GABBR2: variants seen among roughly 807,000 people sequenced by gnomAD.
The protein encoded by GABBR2 is gamma-aminobutyric acid type B receptor subunit 2, also known as G-protein coupled receptor 51.
A neutral mutation model predicts 105.6 loss-of-function variants in GABBR2; 23 were observed. That is an observed-to-expected ratio of 0.22 (90% CI 0.16 to 0.31). The LOEUF (loss-of-function observed/expected upper bound fraction) is 0.31, where lower values mean the gene tolerates loss of function less well. Ranked by LOEUF, GABBR2 falls within the 10% of genes least tolerant of loss-of-function variation. The pLI is 1.00. For synonymous variants in GABBR2, 478 were observed against 499.7 expected (o/e 0.96, Z 0.58); for missense variants, 734 against 1,245.5 (o/e 0.59, Z 6.18).
chr9:98,563,428 C>T (rs925494059), intron 2 of GABBR2, among the ~76,000 whole-genome samples: 3 of 152,166 alleles, frequency 2.0e-5, no homozygotes, highest in African/African-American at 4.8e-5. Context: ...ACGCATCCAC[C>T]GGAGGCACGC....
chr9:98,559,507 G>C (rs941008122), intron 2 of GABBR2, among the ~76,000 whole-genome samples: 1 of 152,178 alleles, frequency 6.6e-6, no homozygotes, highest in African/African-American at 2.4e-5. Context: ...CACCAGAAAG[G>C]TTTTAAATCA....
At chr9:98,655,888 C>G (rs999952343) in intron 1 of GABBR2, among the ~76,000 whole-genome samples, 1 of 152,058 alleles carries the variant, frequency 6.6e-6, no homozygotes, top group Non-Finnish European at 1.5e-5. Flanking sequence ...TAATGTAGAT[C>G]ACGGGTTGAT....
chr9:98,438,394 G>A (rs1482952802), intron 7 of GABBR2, among the ~76,000 whole-genome samples: 3 of 151,968 alleles, frequency 2.0e-5, no homozygotes, highest in Non-Finnish European at 4.4e-5. Context: ...TCTATTATGT[G>A]TAAAACCCTG....
At chr9:98,657,713 T>G (rs986093143) in intron 1 of GABBR2, among the ~76,000 whole-genome samples, 2 of 152,272 alleles carry the variant, frequency 1.3e-5, no homozygotes, top group Non-Finnish European at 2.9e-5. Context: ...CAAATCTGCA[T>G]ATGGCAAGAG....
intron 1 of GABBR2, among the ~76,000 whole-genome samples, chr9:98,667,986 G>A (rs1474682829): frequency 1.3e-5 from 2 of 152,218 alleles, no homozygotes; most frequent in Non-Finnish European, 2.9e-5. Context: ...CAGGGCCAGT[G>A]ACTGGCCGAT....
chr9:98,369,412 G>C (rs1831739200), intron 12 of GABBR2, among the ~76,000 whole-genome samples: 1 of 152,168 alleles, frequency 6.6e-6, no homozygotes, highest in Non-Finnish European at 1.5e-5. Flanking sequence ...AGGTGGGTGG[G>C]GGGCCTGAGG....
chr9:98,602,839 C>T (rs1250430065), intron 1 of GABBR2, among the ~76,000 whole-genome samples: 2 of 152,210 alleles, frequency 1.3e-5, no homozygotes, highest in Non-Finnish European at 1.5e-5. Context: ...CTGGATTCCA[C>T]AACGTGGGGC....
At chr9:98,693,053 T>C (rs951993697) in intron 1 of GABBR2, among the ~76,000 whole-genome samples, 1 of 152,184 alleles carries the variant, frequency 6.6e-6, no homozygotes, top group African/African-American at 2.4e-5. Context: ...TGGCCTATGT[T>C]GATAGATCAG....
At chr9:98,588,667 T>G (rs1829107116) in intron 1 of GABBR2, among the ~76,000 whole-genome samples, 1 of 152,168 alleles carries the variant, frequency 6.6e-6, no homozygotes, top group Non-Finnish European at 1.5e-5. Context: ...TGGAGTCAGG[T>G]TCCAGAGTCC....
rs1242795556 is a variant in GABBR2, at chr9:98,317,386, G to T, written c.1894-6181C>A. 2.6e-5 allele frequency among the ~76,000 whole-genome samples: 4 copies of T among 152,222 alleles called. No homozygotes were observed. The East Asian group carries it at 7.7e-4, about 29-fold the overall frequency. ...CATAATGCAATTACTCACAATGTAGGTCAGTGCCCCCTGCAAATATCCCGC... is the reference window on the plus strand; with the variant it reads ...CATAATGCAATTACTCACAATGTAGTTCAGTGCCCCCTGCAAATATCCCGC... On this transcript the variant is annotated intron_variant, in intron 13 of 18. Coordinates refer to ENST00000259455, the MANE Select transcript of GABBR2 (RefSeq NM_005458.8).
chr9:98,667,671 A>G (rs1830353835), intron 1 of GABBR2, among the ~76,000 whole-genome samples: 1 of 152,094 alleles, frequency 6.6e-6, no homozygotes, highest in African/African-American at 2.4e-5. Context: ...TCTGTGCCCA[A>G]TCCTGCTTCC....
chr9:98,289,606 A>G lies in GABBR2; in HGVS notation c.*978T>C, dbSNP rs1830256536. On this transcript the variant is annotated 3_prime_UTR_variant, in exon 19 of 19. Coordinates refer to ENST00000259455, the MANE Select transcript of GABBR2 (RefSeq NM_005458.8). ...GATGTCTTTTAGCAGAGTGCCTCCA[A>G]TTCACTTTGGTCAGAAACAAAGTTA... 6.6e-6 allele frequency: 1 copy of G among 151,422 alleles called. No individual in the cohort carries two copies. The highest frequency in any genetic ancestry group is 1.5e-5 in the Non-Finnish European group (1 of 67,872). The allele number at this position is 151,422 out of a possible 1,614,324, so 9.4% of individuals were successfully genotyped here.
intron 7 of GABBR2, among the ~76,000 whole-genome samples, chr9:98,447,537 ATGTGTGTGTG>A (rs58069151): frequency 0.012 from 1,781 of 142,488 alleles, 26 homozygotes; most frequent in African/African-American, 0.039. Context: ...ACTAGTATGT[ATGTGTGTGTG>A]TGTGTGTGTG....
intron 7 of GABBR2, among the ~76,000 whole-genome samples, chr9:98,414,432 T>C (rs1179890245): frequency 1.3e-5 from 2 of 152,164 alleles, no homozygotes; most frequent in African/African-American, 4.8e-5. Flanking sequence ...GAGCAAGGAA[T>C]GTGACCGGCA....
chr9:98,523,477 AAGG>A (rs1444545436), intron 3 of GABBR2, among the ~76,000 whole-genome samples: 1 of 152,196 alleles, frequency 6.6e-6, no homozygotes, highest in African/African-American at 2.4e-5. Flanking sequence ...CTGCTTTAAG[AAGG>A]AGGATAAACG....
Position 98,473,225 on chromosome 9 carries a change from A to C in GABBR2, c.920T>G (p.Leu307Arg), listed in dbSNP as rs1248272536. The C allele has an allele frequency of 3.7e-6, 6 of 1,613,866 alleles. No homozygotes were observed. Among genetic ancestry groups the C allele is most frequent in the Non-Finnish European group, 5.1e-6 (6 of 1,179,956 alleles). The change falls in exon 6 of 19, where the codon CTG becomes CGG. Residue 307 changes from leucine to arginine, a missense_variant. This residue lies in a region of GABBR2 where 370 missense variants were observed against 648.9 expected (regional missense o/e 0.57). Transcript: ENST00000259455. The part of the protein sequence containing the change: ...ANSSRCLRKN[L>R]LAAMEGYIGV... ...AATGTAGCCCTCCATGGCAGCAAGC[A>C]GATTCTTCCGGAGGCAGCGGGATGA...
chr9:98,392,699 C>G (rs1451621105), intron 9 of GABBR2, among the ~76,000 whole-genome samples: 2 of 152,198 alleles, frequency 1.3e-5, no homozygotes, highest in Non-Finnish European at 2.9e-5. Context: ...AGAAAGCCAG[C>G]TGTCCCAATT....
intron 1 of GABBR2, among the ~76,000 whole-genome samples, chr9:98,698,783 C>A (rs1749867286): frequency 6.6e-6 from 1 of 152,096 alleles, no homozygotes; most frequent in Non-Finnish European, 1.5e-5. Context: ...CAGGCATGAG[C>A]CACTGCACCC....
At chr9:98,387,129 A>T (rs2131492404) in intron 10 of GABBR2, among the ~76,000 whole-genome samples, 1 of 152,284 alleles carries the variant, frequency 6.6e-6, no homozygotes. Context: ...TGGGCCTTAT[A>T]GGATGGATTT....
Sources: allele counts gnomAD v4.1 joint callset (sites outside exome capture counted in the v4.1 genomes callset), GRCh38; gene constraint gnomAD v4.1.1; regional missense constraint gnomAD v4.1.1; transcripts MANE v1.5; gene names NCBI Gene and HGNC (gene_info 2026-07-23, HGNC 2026-07-21).